The following RASGEF1C variants were observed in gnomAD, a reference collection of about 807,000 sequenced individuals.
The protein encoded by RASGEF1C is RasGEF domain family member 1C.
Under a neutral mutation model 58.1 loss-of-function variants are expected in RASGEF1C, and 27 were observed. The ratio of observed to expected loss-of-function variants is 0.46; its 90% confidence interval spans 0.34 to 0.64. The LOEUF (loss-of-function observed/expected upper bound fraction) is 0.64, where lower values mean the gene tolerates loss of function less well. Ranked by LOEUF, RASGEF1C falls within the 30% of genes least tolerant of loss-of-function variation. The pLI is 0.01. For synonymous variants in RASGEF1C, 243 were observed against 246.3 expected, an observed-to-expected ratio of 0.99 and a Z score of 0.13; for missense variants, 502 against 605.1, an observed-to-expected ratio of 0.83 and a Z score of 1.79.
rs565601958 is a variant in RASGEF1C, at chr5:180,143,494, G to C, written c.-6-5436C>G. Among the ~76,000 whole-genome samples the C allele has an allele frequency of 6.6e-6, 1 of 152,204 alleles. No homozygotes were observed. The highest frequency in any genetic ancestry group is 2.4e-5 in the African/African-American group (1 of 41,458). On this transcript the variant is annotated intron_variant, in intron 1 of 13. Transcript: ENST00000361132. The surrounding 1 kb of genome is among the most constrained non-coding windows in gnomAD (Gnocchi z 4.3). Reference sequence around the variant, plus strand: ...CCAGCCAGTTGAAAACGTGCCCAAGGGCCCTGCTGTTCCTCCTCAGCGTGG... The same window carrying C: ...CCAGCCAGTTGAAAACGTGCCCAAGCGCCCTGCTGTTCCTCCTCAGCGTGG...
At position 180,116,580 on chromosome 5, in the gene RASGEF1C, C is replaced by T. The variant is rs563873466; in HGVS notation, c.1083+2029G>A. Reference sequence around the variant, plus strand: ...TCAATACGCAGCTGTAAGCCGCCCGCCTACAGCACCAATGCACAGCATCCC... The same window carrying T: ...TCAATACGCAGCTGTAAGCCGCCCGTCTACAGCACCAATGCACAGCATCCC... On this transcript the variant is annotated intron_variant, in intron 10 of 13. Coordinates refer to ENST00000361132, the MANE Select transcript of RASGEF1C (RefSeq NM_175062.4). Among the ~76,000 whole-genome samples the T allele has an allele frequency of 2.1e-4, 32 of 152,378 alleles. No individual in the cohort carries two copies. The South Asian group carries it at 6.2e-3, about 30-fold the overall frequency.
intron 11 of RASGEF1C, among the ~76,000 whole-genome samples, chr5:180,113,863 T>C (rs1371395427): frequency 3.3e-5 from 5 of 151,850 alleles, no homozygotes; most frequent in Admixed American, 2.6e-4. Context: ...GGATCGAGGA[T>C]AGATGGAGGG....
chr5:180,189,102 A>G (rs1291327150), intron 1 of RASGEF1C, among the ~76,000 whole-genome samples: 3 of 152,252 alleles, frequency 2.0e-5, no homozygotes, highest in Admixed American at 1.3e-4. Context: ...GCAAGATTCC[A>G]AGATATGAGA....
At chr5:180,161,176 G>A (rs576553194) in intron 1 of RASGEF1C, among the ~76,000 whole-genome samples, 1 of 152,216 alleles carries the variant, frequency 6.6e-6, no homozygotes. Context: ...TGGGATAAAC[G>A]CAAAGTTCCC....
At chr5:180,173,878 A>T (rs139646606) in intron 1 of RASGEF1C, among the ~76,000 whole-genome samples, 5 of 148,384 alleles carry the variant, frequency 3.4e-5, no homozygotes, top group African/African-American at 1.3e-4. Flanking sequence ...GTGCCACTGC[A>T]CTCCAGCCTG....
At chr5:180,175,695 T>A (rs142530119) in intron 1 of RASGEF1C, among the ~76,000 whole-genome samples, 1 of 152,362 alleles carries the variant, frequency 6.6e-6, no homozygotes, top group Non-Finnish European at 1.5e-5. Context: ...AATAGTGACA[T>A]GCCTTTAAAA....
chr5:180,111,347 G>A (rs1192444245), intron 12 of RASGEF1C, 110 bp downstream of exon 12: 18 of 1,438,892 alleles, frequency 1.3e-5, no homozygotes, highest in Non-Finnish European at 1.7e-5. Context: ...CAGCCCAGGT[G>A]GGCAGGGTGC....
intron 1 of RASGEF1C, among the ~76,000 whole-genome samples, chr5:180,148,363 A>G (rs1766691179): frequency 6.9e-6 from 1 of 145,206 alleles, no homozygotes; most frequent in South Asian, 2.3e-4. Context: ...CTGTTAAGAC[A>G]GGATTTACTC....
At chr5:180,114,416 C>T in intron 11 of RASGEF1C, 30 bp downstream of exon 11, 2 of 1,604,898 alleles carry the variant, frequency 1.2e-6, no homozygotes, top group East Asian at 4.5e-5. Context: ...GGCCTGTCTA[C>T]CTCAGTGGCG....
At chr5:180,127,773 G>C in intron 5 of RASGEF1C, 90 bp from the exon 6 acceptor site, 1 of 1,222,808 alleles carries the variant, frequency 8.2e-7, no homozygotes, top group Non-Finnish European at 1.1e-6. Flanking sequence ...CCAGCCCCTA[G>C]TCCTCCTCAC....
intron 11 of RASGEF1C, among the ~76,000 whole-genome samples, chr5:180,112,850 A>G (rs1013666348): frequency 7.3e-5 from 11 of 149,786 alleles, no homozygotes; most frequent in Non-Finnish European, 1.3e-4. Context: ...TGGAGGGACC[A>G]AGGATGGACG....
chr5:180,174,773 C>T (rs909143755), intron 1 of RASGEF1C, among the ~76,000 whole-genome samples: 2 of 152,162 alleles, frequency 1.3e-5, no homozygotes, highest in African/African-American at 4.8e-5. Context: ...CACACACGAT[C>T]GTGACCGGTT....
intron 10 of RASGEF1C, among the ~76,000 whole-genome samples, chr5:180,117,484 T>C (rs1055879946): frequency 1.3e-5 from 2 of 152,224 alleles, no homozygotes; most frequent in Non-Finnish European, 2.9e-5. Flanking sequence ...TGTTCCCGCA[T>C]GGCACGGGCC....
chr5:180,110,918 T>C (rs907503829), intron 12 of RASGEF1C, among the ~76,000 whole-genome samples: 7 of 151,990 alleles, frequency 4.6e-5, no homozygotes, highest in Non-Finnish European at 1.0e-4. Flanking sequence ...CGGGTTCAAG[T>C]GATTCTGCTG....
chr5:180,107,133 TA>T (rs1239805497), intron 12 of RASGEF1C, among the ~76,000 whole-genome samples: 2 of 152,246 alleles, frequency 1.3e-5, no homozygotes, highest in Non-Finnish European at 2.9e-5. Flanking sequence ...CTTCTTTTTT[TA>T]CTTATCAAAA....
At chr5:180,105,025 C>T (rs1765853743) in intron 12 of RASGEF1C, among the ~76,000 whole-genome samples, 1 of 152,216 alleles carries the variant, frequency 6.6e-6, no homozygotes, top group African/African-American at 2.4e-5. Flanking sequence ...CCTGTATATA[C>T]TTGTCTTGGA....
intron 1 of RASGEF1C, among the ~76,000 whole-genome samples, chr5:180,165,720 G>A (rs535628959): frequency 8.2e-5 from 12 of 145,628 alleles, no homozygotes; most frequent in Non-Finnish European, 1.5e-4. Context: ...TTGAATATAT[G>A]AACATTTTTA....
At position 180,137,667 on chromosome 5, in the gene RASGEF1C, C is replaced by T. The variant is rs376754942; in HGVS notation, c.223G>A (p.Glu75Lys). ...TFLLSSRLFI[E>K]PRELLARVCH... The stretch of plus-strand genomic sequence containing the variant: ...ACCCGGGCCAGGAGCTCCCGGGGCT[C>T]GATGAAGAGGCGAGAGCTCAGCAGG... Residue 75 changes from glutamate to lysine, a missense_variant, in exon 3 of 14, where the codon GAG becomes AAG. Transcript: ENST00000361132. This position sits in a 1 kb window ranked among gnomAD's most constrained non-coding sequence, Gnocchi z 4.1. 9.3e-6 allele frequency: 15 copies of T among 1,612,688 alleles called. No homozygotes were observed. In the African/African-American group the frequency reaches 1.1e-4, roughly 11 times the overall value.
chr5:180,182,405 C>T (rs1767359483), intron 1 of RASGEF1C, among the ~76,000 whole-genome samples: 1 of 151,972 alleles, frequency 6.6e-6, no homozygotes, highest in East Asian at 1.9e-4. Flanking sequence ...CAGTGAGCAG[C>T]CGCAAGATTT....
Sources: allele counts gnomAD v4.1 joint callset (sites outside exome capture counted in the v4.1 genomes callset), GRCh38; gene constraint gnomAD v4.1.1; non-coding constraint Gnocchi (gnomAD v3.1); transcripts MANE v1.5; gene names NCBI Gene and HGNC (gene_info 2026-07-23, HGNC 2026-07-21).